The following MGA variants were observed in gnomAD, a reference collection of about 807,000 sequenced individuals.
MGA encodes the protein MAX dimerization protein MGA.
In MGA, 40 loss-of-function variants were observed where a neutral mutation model predicts 261.1. The ratio of observed to expected loss-of-function variants is 0.15; its 90% CI spans 0.12 to 0.20. The LOEUF is 0.20. MGA is among the 10% of genes least tolerant of loss of function. MGA has a pLI of 1.00. For missense variants in MGA, 3,397 were observed against 3,630.5 expected (o/e 0.94, Z 1.65); for synonymous variants, 1,302 against 1,290.6 (o/e 1.01, Z -0.19).
At chr15:41,703,574 C>G (rs1425971614) in intron 5 of MGA, among the ~76,000 whole-genome samples, 1 of 152,054 alleles carries the variant, frequency 6.6e-6, no homozygotes, top group Non-Finnish European at 1.5e-5. Context: ...GAAACTCCAT[C>G]TCTACTAAAA....
chr15:41,762,854 G>A (rs1197519278), intron 22 of MGA, among the ~76,000 whole-genome samples: 1 of 152,102 alleles, frequency 6.6e-6, no homozygotes, highest in East Asian at 1.9e-4. Context: ...GTTTCTGGTT[G>A]TAATACACAC....
rs1567052877 is a variant in MGA at position 41,736,208 on chromosome 15, A to C, written c.3944A>C (p.Glu1315Ala). ...AAGAGCTGGAAGTCTTCCTGCAATG[A>C]AGGAGAATCCTCTTCTACTTCTTAT... Residue 1315 changes from glutamate (E) to alanine (A), a missense_variant, in exon 13 of 24, where the codon GAA (glutamate) becomes GCA (alanine). Transcript: ENST00000219905. The C allele has an allele frequency of 6.3e-7, 1 of 1,579,920 alleles. No homozygotes were observed. Among genetic ancestry groups the C allele is most frequent in the Non-Finnish European group, 8.6e-7 (1 of 1,162,894 alleles).
rs770163313 is a variant in MGA, at chr15:41,766,850, C to T, written c.8768C>T (p.Pro2923Leu). The T allele has an allele frequency of 6.2e-7, 1 of 1,614,016 alleles. No individual in the cohort carries two copies. The highest frequency in any genetic ancestry group is 1.1e-5 in the South Asian group (1 of 91,084). ...CAACTTGCAGAACCAGCCTCTGAGCCAGATGTCCTTAAGATTGTTATTGAC... is the reference window on the plus strand; with the variant it reads ...CAACTTGCAGAACCAGCCTCTGAGCTAGATGTCCTTAAGATTGTTATTGAC... The change falls in exon 24 of 24, where the codon CCA (proline) becomes CTA (leucine). Residue 2923 changes from proline to leucine, a missense_variant. By Grantham distance (98) the Pro-to-Leu change is moderately conservative. Coordinates refer to ENST00000219905, the MANE Select transcript of MGA (RefSeq NM_001164273.2).
intron 1 of MGA, among the ~76,000 whole-genome samples, chr15:41,666,602 T>C (rs2057752414): frequency 6.6e-6 from 1 of 152,208 alleles, no homozygotes; most frequent in South Asian, 2.1e-4. Context: ...AATAAAAAAC[T>C]TTTAAAAGAT....
intron 9 of MGA, 54 bp from the exon 10 acceptor site, chr15:41,727,126 A>T: frequency 2.1e-6 from 3 of 1,445,762 alleles, no homozygotes; most frequent in Non-Finnish European, 2.8e-6. Context: ...GTGCCTCAGT[A>T]TTGATCTTTT....
chr15:41,712,145 GT>G (rs1441011441), intron 8 of MGA, among the ~76,000 whole-genome samples: 2 of 152,022 alleles, frequency 1.3e-5, no homozygotes, highest in African/African-American at 2.4e-5. Context: ...TATGGCAAGG[GT>G]TGCAGGAAGG....
At chr15:41,656,332 C>CT (rs1566936340), upstream of MGA, among the ~76,000 whole-genome samples, 1 of 110,996 alleles carries the variant, frequency 9.0e-6, no homozygotes. Context: ...TTCTCTCTCT[C>CT]CCTCTCCTCT....
At chr15:41,735,796 A>G (rs1237923942) in intron 12 of MGA, among the ~76,000 whole-genome samples, 1 of 151,196 alleles carries the variant, frequency 6.6e-6, no homozygotes, top group African/African-American at 2.5e-5. Flanking sequence ...TCTAATCTGT[A>G]CATGTTTCAA....
At chr15:41,663,918 GAAAA>G (rs1012530028) in intron 1 of MGA, among the ~76,000 whole-genome samples, 1 of 151,736 alleles carries the variant, frequency 6.6e-6, no homozygotes, top group Non-Finnish European at 1.5e-5. Context: ...ATTTATCTTA[GAAAA>G]AAAAGAAAAT....
At chr15:41,728,706 T>A (rs535009023) in intron 10 of MGA, among the ~76,000 whole-genome samples, 2 of 152,348 alleles carry the variant, frequency 1.3e-5, no homozygotes, top group South Asian at 2.1e-4. Flanking sequence ...AAAATCCATA[T>A]GTGAGTGGAC....
intron 1 of MGA, among the ~76,000 whole-genome samples, chr15:41,661,965 T>G (rs1477333225): frequency 6.6e-6 from 1 of 152,024 alleles, no homozygotes; most frequent in African/African-American, 2.4e-5. Flanking sequence ...CCTTGCGGCA[T>G]TTTTTCACGT....
chr15:41,638,984 TACAGGTGTGAGCCACCACACCTG>T (rs1358126800), intron 1 of MGA, among the ~76,000 whole-genome samples: 1 of 152,018 alleles, frequency 6.6e-6, no homozygotes, highest in Non-Finnish European at 1.5e-5. Context: ...GTGCTAGGAT[TACAGGTGTGAGCCACCACACCTG>T]ACCTTTTTTT....
At chr15:41,628,731 C>T (rs540632399) in intron 1 of MGA, among the ~76,000 whole-genome samples, 3 of 152,044 alleles carry the variant, frequency 2.0e-5, no homozygotes, top group Non-Finnish European at 4.4e-5. Flanking sequence ...TAGAGCCTTG[C>T]AGGCCATGAG....
chr15:41,734,739 TAA>T (rs921106625), intron 12 of MGA, 145 bp downstream of exon 12: 2 of 620,330 alleles, frequency 3.2e-6, no homozygotes, highest in African/African-American at 1.9e-5. Flanking sequence ...GGACAATAAG[TAA>T]AAGTTTTTTT....
intron 2 of MGA, among the ~76,000 whole-genome samples, chr15:41,686,835 A>G (rs8043069): frequency 5.1e-4 from 77 of 152,086 alleles, no homozygotes; most frequent in African/African-American, 1.7e-3. Flanking sequence ...TTACCTGGCC[A>G]TGATGATATC....
chr15:41,690,748 A>G (rs534696208), intron 2 of MGA, among the ~76,000 whole-genome samples: 2 of 151,986 alleles, frequency 1.3e-5, no homozygotes, highest in Non-Finnish European at 2.9e-5. Flanking sequence ...GTGTGGTGGT[A>G]TGTGTCTGTA....
intron 18 of MGA, among the ~76,000 whole-genome samples, chr15:41,756,629 C>CT (rs1426105693): frequency 6.6e-6 from 1 of 151,934 alleles, no homozygotes; most frequent in African/African-American, 2.4e-5. Context: ...TAAATAACTA[C>CT]TAACATTCTG....
chr15:41,708,300 C>G (rs1272086631), intron 7 of MGA, 92 bp downstream of exon 7: 1 of 929,522 alleles, frequency 1.1e-6, no homozygotes, highest in Non-Finnish European at 1.6e-6. Flanking sequence ...TTCTTCATTC[C>G]TTCTCGCCAT....
rs531131488 is a variant in MGA at position 41,762,338 on chromosome 15, T to C, written c.7720T>C (p.Ser2574Pro). The C allele has an allele frequency of 1.9e-6, 3 of 1,613,202 alleles. No individual in the cohort carries two copies. Among genetic ancestry groups the C allele is most frequent in the East Asian group, 2.2e-5 (1 of 44,848 alleles). Residue 2574 changes from serine to proline, a missense_variant, in exon 22 of 24, where the codon TCC becomes CCC. By Grantham distance (74) the Ser-to-Pro change is moderately conservative. Around this residue, in one of 9 missense-constraint regions of MGA, gnomAD observed 647 missense variants for 642.4 expected, o/e 1.01. Transcript: ENST00000219905. Reference sequence around the variant, plus strand: ...CAGGAGGGGGAAACCTTTGATTCTTTCCAGAAAAAAAGACCAGGCCACAGG... The same window carrying C: ...CAGGAGGGGGAAACCTTTGATTCTTCCCAGAAAAAAAGACCAGGCCACAGG...
Sources: gnomAD v4.1 joint callset for allele counts (sites outside exome capture counted in the v4.1 genomes callset) on GRCh38, gnomAD v4.1.1 for gene constraint, gnomAD v4.1.1 regional missense constraint, MANE v1.5 for transcripts, NCBI Gene and HGNC (gene_info 2026-07-23, HGNC 2026-07-21) for gene names.